Variants in ACMSD observed in about 807,000 individuals in gnomAD.
ACMSD encodes aminocarboxymuconate semialdehyde decarboxylase.
In ACMSD, 37 loss-of-function variants were observed where a neutral mutation model predicts 45.9. That is an observed-to-expected ratio of 0.81 (90% CI 0.62 to 1.06). The LOEUF (loss-of-function observed/expected upper bound fraction) is 1.06. ACMSD is among the 50% of genes least tolerant of loss of function. The pLI is 0.00. For missense variants in ACMSD, 434 were observed against 420.9 expected, an observed-to-expected ratio of 1.03 and a Z score of -0.27; for synonymous variants, 138 against 148.8, an observed-to-expected ratio of 0.93 and a Z score of 0.53.
chr2:134,840,180 A>AAAAAAAAAAAAC (rs1686726350), intron 1 of ACMSD, among the ~76,000 whole-genome samples: 4 of 140,042 alleles, frequency 2.9e-5, no homozygotes, highest in East Asian at 5.1e-4. Flanking sequence ...AAAAAAAAAA[A>AAAAAAAAAAAAC]AAAAAAAAAA....
At chr2:134,884,417 T>C (rs1391167826) in intron 8 of ACMSD, among the ~76,000 whole-genome samples, 1 of 152,188 alleles carries the variant, frequency 6.6e-6, no homozygotes, top group African/African-American at 2.4e-5. Flanking sequence ...GCCATAATAC[T>C]GGAAATGGAA....
intron 2 of ACMSD, among the ~76,000 whole-genome samples, chr2:134,856,942 T>A (rs1206089473): frequency 6.6e-6 from 1 of 152,140 alleles, no homozygotes; most frequent in African/African-American, 2.4e-5. Context: ...TCATTGGAAT[T>A]TTGGGGGGCA....
chr2:134,882,133 A>AG lies in ACMSD; in HGVS notation c.849+9494dup, dbSNP rs529287048. Among the ~76,000 whole-genome samples, 4 of 152,312 alleles carry AG rather than the reference A, an allele frequency of 2.6e-5. No homozygotes were observed. The South Asian group carries it at 8.3e-4, about 32-fold the overall frequency. On this transcript the variant is annotated intron_variant, in intron 8 of 9. Transcript: ENST00000356140. ...ACTTGGTCTCAAAACAAACAAAAAA[A>AG]GGTGGGGGAGGGTACCTGCCTAATT...
In ACMSD at chr2:134,859,260, G is replaced by T; in HGVS notation, c.103-1G>T. On this transcript the variant is annotated splice_acceptor_variant, in intron 2 of 9. Coordinates refer to ENST00000356140, the MANE Select transcript of ACMSD (RefSeq NM_138326.3). LOFTEE classifies it high-confidence loss of function. ...TTAGTAATGTGGGTTTTCTGCCCCA[G>T]GGAGAAGCAAAGTTGTTGAAAGATG... 3.1e-6 allele frequency: 5 copies of T among 1,613,962 alleles called. No individual in the cohort carries two copies. The highest frequency in any genetic ancestry group is 1.7e-5 in the Admixed American group (1 of 60,016).
intron 8 of ACMSD, among the ~76,000 whole-genome samples, chr2:134,885,249 T>TA (rs1458311588): frequency 9.3e-6 from 1 of 106,980 alleles, no homozygotes; most frequent in East Asian, 2.3e-4. Flanking sequence ...AATATATATT[T>TA]ATATATAATA....
intron 7 of ACMSD, among the ~76,000 whole-genome samples, chr2:134,871,272 T>C (rs1688422304): frequency 6.6e-6 from 1 of 152,188 alleles, no homozygotes; most frequent in Non-Finnish European, 1.5e-5. Flanking sequence ...CTCCTCCTTT[T>C]CTTACAAGGA....
chr2:134,845,349 G>T, intron 2 of ACMSD, 72 bp downstream of exon 2: 2 of 1,561,382 alleles, frequency 1.3e-6, no homozygotes, highest in Non-Finnish European at 8.8e-7. Context: ...CTCACTGCAG[G>T]CTGGGCCTCC....
intron 8 of ACMSD, among the ~76,000 whole-genome samples, chr2:134,895,350 AC>A (rs1176576855): frequency 5.8e-5 from 3 of 51,990 alleles, no homozygotes; most frequent in South Asian, 2.5e-3. Flanking sequence ...TATATATATA[AC>A]ATATATAATA....
At chr2:134,856,838 CT>C (rs1256963441) in intron 2 of ACMSD, among the ~76,000 whole-genome samples, 1 of 151,986 alleles carries the variant, frequency 6.6e-6, no homozygotes, top group African/African-American at 2.4e-5. Flanking sequence ...GTTCCTCCAG[CT>C]TTGTTCTGTT....
intron 8 of ACMSD, among the ~76,000 whole-genome samples, chr2:134,888,416 T>C (rs1689582349): frequency 6.6e-6 from 1 of 152,158 alleles, no homozygotes; most frequent in South Asian, 2.1e-4. Context: ...TCACACATTG[T>C]TAGTAGAATA....
chr2:134,861,038 T>A (rs1687828051), intron 3 of ACMSD, among the ~76,000 whole-genome samples: 1 of 151,876 alleles, frequency 6.6e-6, no homozygotes, highest in South Asian at 2.1e-4. Context: ...CTAAAAAAAT[T>A]TTTTAATTAA....
At chr2:134,868,124 T>TC (rs1289165524) in intron 6 of ACMSD, among the ~76,000 whole-genome samples, 1 of 152,152 alleles carries the variant, frequency 6.6e-6, no homozygotes, top group African/African-American at 2.4e-5. Flanking sequence ...TAGCATCAGC[T>TC]CATACAAATG....
intron 8 of ACMSD, among the ~76,000 whole-genome samples, chr2:134,883,738 T>C (rs1209061652): frequency 6.6e-6 from 1 of 151,670 alleles, no homozygotes; most frequent in African/African-American, 2.4e-5. Context: ...CTGAAAGTGA[T>C]CCCCCCCACC....
At chr2:134,893,295 C>T (rs951662398) in intron 8 of ACMSD, among the ~76,000 whole-genome samples, 2 of 150,954 alleles carry the variant, frequency 1.3e-5, no homozygotes, top group African/African-American at 4.9e-5. Flanking sequence ...ATCTCCCAGG[C>T]TCATGCAATC....
intron 9 of ACMSD, among the ~76,000 whole-genome samples, chr2:134,900,379 C>CTTGGTG (rs1449613053): frequency 6.6e-6 from 1 of 152,156 alleles, no homozygotes; most frequent in Non-Finnish European, 1.5e-5. Flanking sequence ...CACTTAGTAT[C>CTTGGTG]ATCTTGGTGA....
At chr2:134,881,803 C>A (rs938309643) in intron 8 of ACMSD, among the ~76,000 whole-genome samples, 1 of 152,080 alleles carries the variant, frequency 6.6e-6, no homozygotes, top group Non-Finnish European at 1.5e-5. Context: ...GCCTGCCCAA[C>A]ATGGTGAAAC....
chr2:134,887,531 G>A (rs534412278), intron 8 of ACMSD, among the ~76,000 whole-genome samples: 1 of 152,280 alleles, frequency 6.6e-6, no homozygotes, highest in South Asian at 2.1e-4. Flanking sequence ...AGCCTCCCAA[G>A]TAGCTGGGAT....
At chr2:134,855,917 C>G (rs1687558814) in intron 2 of ACMSD, among the ~76,000 whole-genome samples, 1 of 152,154 alleles carries the variant, frequency 6.6e-6, no homozygotes, top group East Asian at 1.9e-4. Context: ...GCAGAGGACT[C>G]CACCAAGCAG....
At chr2:134,851,689 C>T (rs910730142) in intron 2 of ACMSD, among the ~76,000 whole-genome samples, 10 of 152,190 alleles carry the variant, frequency 6.6e-5, no homozygotes, top group Non-Finnish European at 8.8e-5. Flanking sequence ...GTTATCCACC[C>T]GCCTTGGCCT....
Sources: gnomAD v4.1 joint callset for allele counts (sites outside exome capture counted in the v4.1 genomes callset) on GRCh38, gnomAD v4.1.1 for gene constraint, MANE v1.5 for transcripts, NCBI Gene and HGNC (gene_info 2026-07-23, HGNC 2026-07-21) for gene names.